TMTC1: variants seen among roughly 807,000 people sequenced by gnomAD.
TMTC1 encodes the protein protein O-mannosyl-transferase TMTC1.
TMTC1 carries 73 observed loss-of-function variants against 104.8 expected under a neutral mutation model. The observed-to-expected ratio is 0.70, with a 90% CI of 0.58 to 0.85. The LOEUF (loss-of-function observed/expected upper bound fraction) is 0.85, where lower values mean the gene tolerates loss of function less well. Among genes scored for constraint, TMTC1 ranks in the 40% least tolerant of loss-of-function variants. The pLI is 0.00. For synonymous variants in TMTC1, 434 were observed against 428.7 expected, an observed-to-expected ratio of 1.01 and a Z score of -0.15; for missense variants, 1,035 against 1,096.1, an observed-to-expected ratio of 0.94 and a Z score of 0.79.
intron 7 of TMTC1, among the ~76,000 whole-genome samples, chr12:29,599,741 C>G (rs1039583118): frequency 1.3e-5 from 2 of 152,046 alleles, no homozygotes; most frequent in African/African-American, 4.8e-5. Flanking sequence ...ATTTGATGAG[C>G]AGAAAGTTCA....
intron 7 of TMTC1, among the ~76,000 whole-genome samples, chr12:29,586,010 A>T (rs1300084930): frequency 6.6e-6 from 1 of 152,104 alleles, no homozygotes; most frequent in Non-Finnish European, 1.5e-5. Flanking sequence ...ATGGCATTGA[A>T]TCTATAAATT....
chr12:29,574,057 G>T (rs142767019), intron 8 of TMTC1, among the ~76,000 whole-genome samples: 66 of 152,168 alleles, frequency 4.3e-4, no homozygotes, highest in African/African-American at 1.6e-3. Flanking sequence ...ATAATAGTCA[G>T]AATTTCAGCA....
chr12:29,659,899 A>C (rs1565747004), intron 5 of TMTC1: 1 of 1,535,472 alleles, frequency 6.5e-7, no homozygotes, highest in South Asian at 1.2e-5. Flanking sequence ...ATGTAAGGCG[A>C]AAATGAAGCT....
chr12:29,614,610 C>G (rs1946930801), intron 6 of TMTC1, among the ~76,000 whole-genome samples: 3 of 152,164 alleles, frequency 2.0e-5, no homozygotes, highest in Admixed American at 6.5e-5. Flanking sequence ...CACCTATCTT[C>G]ATCATTTCAG....
rs529265625 is a variant in TMTC1, at chr12:29,677,567, C to T, written c.939-44231G>A. On this transcript the variant is annotated intron_variant, in intron 5 of 17. Coordinates refer to ENST00000539277, the MANE Select transcript of TMTC1 (RefSeq NM_001193451.2). ...GTTTCAGTTACCTGCAGTCAATTGC[C>T]GTCCAAAAATAGGAAATGGAAAATT... is the stretch of plus-strand genomic sequence containing the variant. Among the ~76,000 whole-genome samples the T allele has an allele frequency of 7.9e-5, 12 of 152,252 alleles. No individual in the cohort carries two copies. In the South Asian group the frequency reaches 1.7e-3, roughly 21 times the overall value.
intron 11 of TMTC1, among the ~76,000 whole-genome samples, chr12:29,531,670 A>C (rs1944507068): frequency 6.6e-6 from 1 of 152,228 alleles, no homozygotes; most frequent in Admixed American, 6.5e-5. Context: ...GATGGAGAAC[A>C]AAGAGTATAG....
intron 16 of TMTC1, among the ~76,000 whole-genome samples, chr12:29,512,615 A>G (rs951731654): frequency 2.0e-5 from 3 of 152,200 alleles, no homozygotes; most frequent in Admixed American, 6.5e-5. Flanking sequence ...CCTCTTTAAG[A>G]ACATCTACTT....
chr12:29,683,098 C>T (rs762070117), intron 5 of TMTC1, among the ~76,000 whole-genome samples: 5 of 152,128 alleles, frequency 3.3e-5, no homozygotes, highest in Non-Finnish European at 5.9e-5. Flanking sequence ...TTGTGCCATG[C>T]CACCTCATTA....
intron 11 of TMTC1, among the ~76,000 whole-genome samples, chr12:29,522,891 T>C (rs1194354591): frequency 2.0e-5 from 3 of 152,182 alleles, no homozygotes; most frequent in Non-Finnish European, 4.4e-5. Context: ...ATTAAAACAT[T>C]TGAAACACTT....
intron 10 of TMTC1, among the ~76,000 whole-genome samples, chr12:29,554,170 G>A (rs78428458): frequency 0.016 from 2,464 of 152,192 alleles, 70 homozygotes; most frequent in African/African-American, 0.056. Context: ...AAAGAAATAC[G>A]TGCTCATAAA....
intron 11 of TMTC1, among the ~76,000 whole-genome samples, chr12:29,526,522 G>C (rs557793007): frequency 5.9e-5 from 9 of 152,234 alleles, no homozygotes; most frequent in Non-Finnish European, 1.0e-4. Flanking sequence ...TTCTTGTCTT[G>C]CTTGGGTTAG....
At chr12:29,520,787 T>A in intron 11 of TMTC1, 67 bp from the exon 12 acceptor site, 1 of 1,311,978 alleles carries the variant, frequency 7.6e-7, no homozygotes, top group Non-Finnish European at 1.1e-6. Context: ...AACTGAATAT[T>A]AGGAGCAGGA....
At chr12:29,646,318 A>C (rs1274655307) in intron 5 of TMTC1, among the ~76,000 whole-genome samples, 1 of 152,236 alleles carries the variant, frequency 6.6e-6, no homozygotes, top group East Asian at 1.9e-4. Flanking sequence ...CAAGAAGTAG[A>C]ATCCTTAAAT....
chr12:29,557,472 C>CG (rs1157863399), intron 9 of TMTC1, among the ~76,000 whole-genome samples: 20 of 152,134 alleles, frequency 1.3e-4, no homozygotes, highest in Admixed American at 1.2e-3. Context: ...AACAAAAAAA[C>CG]GGAGTTTTGC....
intron 5 of TMTC1, among the ~76,000 whole-genome samples, chr12:29,666,423 C>T (rs1047089727): frequency 9.2e-5 from 14 of 151,432 alleles, no homozygotes; most frequent in African/African-American, 1.7e-4. Context: ...TTAGTAGAGA[C>T]GGGGTTTCAC....
intron 2 of TMTC1, among the ~76,000 whole-genome samples, chr12:29,764,293 G>A (rs1212318232): frequency 6.6e-6 from 1 of 152,160 alleles, no homozygotes; most frequent in East Asian, 1.9e-4. Context: ...ATAGAAACCT[G>A]TCTTTGGAAT....
intron 8 of TMTC1, among the ~76,000 whole-genome samples, chr12:29,575,835 T>C (rs1945806868): frequency 1.3e-5 from 2 of 152,342 alleles, no homozygotes; most frequent in African/African-American, 2.4e-5. Context: ...TTTTGCATAA[T>C]GGCTGGACCA....
chr12:29,693,670 A>G (rs1941330508), intron 5 of TMTC1, among the ~76,000 whole-genome samples: 1 of 152,208 alleles, frequency 6.6e-6, no homozygotes, highest in African/African-American at 2.4e-5. Context: ...TTTAAATTAT[A>G]CCTCAATAAG....
chr12:29,724,675 T>C (rs578007192), intron 5 of TMTC1, among the ~76,000 whole-genome samples: 84 of 152,306 alleles, frequency 5.5e-4, no homozygotes, highest in Non-Finnish European at 9.1e-4. Flanking sequence ...ACATATATTT[T>C]ATGATTCATC....
Sources: gnomAD v4.1 joint callset for allele counts (sites outside exome capture counted in the v4.1 genomes callset) on GRCh38, gnomAD v4.1.1 for gene constraint, MANE v1.5 for transcripts, NCBI Gene and HGNC (gene_info 2026-07-23, HGNC 2026-07-21) for gene names.